TNXB: variants seen among roughly 807,000 people sequenced by gnomAD.
TNXB encodes tenascin-X.
In TNXB, 183 loss-of-function variants were observed where a neutral mutation model predicts 340.5. The ratio of observed to expected loss-of-function variants is 0.54; its 90% CI spans 0.48 to 0.61. The LOEUF (loss-of-function observed/expected upper bound fraction) is 0.61, where lower values mean the gene tolerates loss of function less well. Among genes scored for constraint, TNXB ranks in the 20% least tolerant of loss-of-function variants. TNXB has a pLI of 0.00. For synonymous variants in TNXB, 2,121 were observed against 2,314.5 expected, an observed-to-expected ratio of 0.92 and a Z score of 2.40; for missense variants, 4,613 against 5,446.4, an observed-to-expected ratio of 0.85 and a Z score of 4.82.
Position 32,088,806 on chromosome 6 carries a change from C to T in TNXB, c.2758G>A (p.Ala920Thr). 1 of 1,576,462 alleles carries T rather than the reference C, an allele frequency of 6.3e-7. No homozygotes were observed. The stretch of plus-strand genomic sequence containing the variant: ...ATACCTGTGTTGGCCCTGACAGAAG[C>T]TGGGTAGCTGACTGCCCGGCCCCGC... ...AERGRAVSYP[A>T]SVRANTGSSP... The change falls in exon 6 of 44, where the codon GCT (alanine) becomes ACT (threonine). Residue 920 changes from alanine (A) to threonine (T), a missense_variant. This residue lies in a region of TNXB where 4,327 missense variants were observed against 4,859.4 expected (regional missense o/e 0.89). Coordinates refer to ENST00000644971, the MANE Select transcript of TNXB (RefSeq NM_001365276.2).
At position 32,073,913 on chromosome 6, in the gene TNXB, G is replaced by A. The variant is rs374294912; in HGVS notation, c.4415C>T (p.Pro1472Leu). 1.4e-5 allele frequency: 22 copies of A among 1,605,282 alleles called. No individual in the cohort carries two copies. Among genetic ancestry groups the A allele is most frequent in the East Asian group, 2.2e-5 (1 of 44,782 alleles). Residue 1472 changes from proline to leucine, a missense_variant, in exon 12 of 44, where the codon CCG (proline) becomes CTG (leucine). By Grantham distance (98) the Pro-to-Leu change is moderately conservative. Around this residue, in one of 7 missense-constraint regions of TNXB, gnomAD observed 4,327 missense variants for 4,859.4 expected, o/e 0.89. Coordinates refer to ENST00000644971, the MANE Select transcript of TNXB (RefSeq NM_001365276.2). The surrounding 1 kb of genome is among the most constrained non-coding windows in gnomAD (Gnocchi z 4.6). ...CAGCTCTCCTAGGCGTGGCTCCAGC[G>A]GGGACTCAGTGGCTGGAGGGGTCTC... ...QEETPPATES[P>L]LEPRLGELTV...
At chr6:32,102,813 G>T (rs1450408128) in intron 1 of TNXB, among the ~76,000 whole-genome samples, 2 of 151,978 alleles carry the variant, frequency 1.3e-5, no homozygotes, top group Non-Finnish European at 2.9e-5. Context: ...CCAGCTACCT[G>T]GGAGGCTAAG....
At position 32,042,556 on chromosome 6, in the gene TNXB, C is replaced by T. The variant is rs760828649; in HGVS notation, c.12109G>A (p.Gly4037Arg). 2.9e-5 allele frequency: 47 copies of T among 1,608,828 alleles called. No individual in the cohort carries two copies. The highest frequency in any genetic ancestry group is 4.5e-5 in the East Asian group (2 of 44,312). The change falls in exon 40 of 44, where the codon GGA becomes AGA. Residue 4037 changes from glycine (G) to arginine (R), a missense_variant. This residue lies in a region of TNXB where 121 missense variants were observed against 177.4 expected (regional missense o/e 0.68). Transcript: ENST00000644971. ...GTGCTGGTCCTGGAGGCACCGGCTC[C>T]GTTCTGCATCTCCTCCCCGCAGTCC... ...PRDCGEEMQN[G>R]AGASRTSTIF...
In TNXB at chr6:32,046,007, T is replaced by G. The variant is rs983873989; in HGVS notation, c.10606+168A>C. ...GGCCTGGCTCCTGCTCTGGACTCCT[T>G]GATGGATGTTGAAGCCCACAGGGCT... On this transcript the variant is annotated intron_variant, in intron 31 of 43. Transcript: ENST00000644971. The surrounding 1 kb of genome is among the most constrained non-coding windows in gnomAD (Gnocchi z 6.9). 1.1e-5 allele frequency: 15 copies of G among 1,377,094 alleles called. No homozygotes were observed. The highest frequency in any genetic ancestry group is 1.4e-5 in the Non-Finnish European group (15 of 1,066,558). 85.3% of individuals were successfully genotyped at this position (1,377,094 alleles called of 1,614,324 possible).
chr6:32,046,052 T>G lies in TNXB; in HGVS notation c.10606+123A>C. ...AGGGCTGCAGACTCCTCCTCCTTCCTGGGGACAGGCCAGGGCGCCCCACTC... is the reference window on the plus strand; with the variant it reads ...AGGGCTGCAGACTCCTCCTCCTTCCGGGGGACAGGCCAGGGCGCCCCACTC... On this transcript the variant is annotated intron_variant, in intron 31 of 43. Transcript: ENST00000644971. This position sits in a 1 kb window ranked among gnomAD's most constrained non-coding sequence, Gnocchi z 6.9. 1 of 1,447,392 alleles carries G rather than the reference T, an allele frequency of 6.9e-7. No individual in the cohort carries two copies. The highest frequency in any genetic ancestry group is 9.0e-7 in the Non-Finnish European group (1 of 1,105,022). 89.7% of individuals were successfully genotyped at this position (1,447,392 alleles called of 1,614,324 possible). A position where few individuals can be genotyped will look rare whatever the true frequency, so the allele number is the denominator to read the frequency against.
chr6:32,086,147 G>A (rs1363463558), intron 6 of TNXB, 29 bp from the exon 7 acceptor site: 4 of 1,465,144 alleles, frequency 2.7e-6, no homozygotes, highest in South Asian at 1.4e-5. Context: ...AGAAAAAGAG[G>A]AGAGTCCAGT....
Position 32,086,092 on chromosome 6 carries a change from T to A in TNXB, c.2806A>T (p.Thr936Ser), listed in dbSNP as rs1319043679. ...CCTGAGGGAGGAGGCTCATCGGTAG[T>A]CCCCAAGAGGCCCAAGGGTGAGGAC... ...TGSSPLGLLGTTDEPPPSGPS... is the reference protein window; with the variant it reads ...TGSSPLGLLGSTDEPPPSGPS... The change falls in exon 7 of 44, where the codon ACT (threonine) becomes TCT (serine). Residue 936 changes from threonine to serine, a missense_variant. Transcript: ENST00000644971. 6.4e-7 allele frequency: 1 copy of A among 1,556,170 alleles called. No homozygotes were observed. The highest frequency in any genetic ancestry group is 8.7e-7 in the Non-Finnish European group (1 of 1,150,404).
chr6:32,048,339 G>A (rs374592541), intron 29 of TNXB, 24 bp downstream of exon 29: 1 of 1,473,338 alleles, frequency 6.8e-7, no homozygotes, highest in Non-Finnish European at 9.0e-7. Flanking sequence ...CTCTGGCCGC[G>A]GGAGGCCTCC....
Position 32,090,036 on chromosome 6 carries a change from T to C in TNXB, c.2359-657A>G, listed in dbSNP as rs1780007995. 6.6e-6 allele frequency among the ~76,000 whole-genome samples: 1 copy of C among 152,188 alleles called. No homozygotes were observed. The highest frequency in any genetic ancestry group is 1.5e-5 in the Non-Finnish European group (1 of 68,022). On this transcript the variant is annotated intron_variant, in intron 4 of 43. Transcript: ENST00000644971. This position sits in a 1 kb window ranked among gnomAD's most constrained non-coding sequence, Gnocchi z 4.3. ...CAGGAGTGGGACCCGCATCACAACC[T>C]TTCCCTTGAGGGACTTTTCTTGTCT...
At chr6:32,100,819 C>T (rs1052443495) in intron 1 of TNXB, among the ~76,000 whole-genome samples, 3 of 152,076 alleles carry the variant, frequency 2.0e-5, no homozygotes, top group African/African-American at 7.2e-5. Context: ...TGGTGGTTCA[C>T]ACCTGAAATC....
Position 32,056,072 on chromosome 6 carries a change from G to C in TNXB, c.8246C>G (p.Pro2749Arg). 6.2e-7 allele frequency: 1 copy of C among 1,612,868 alleles called. No homozygotes were observed. The highest frequency in any genetic ancestry group is 8.5e-7 in the Non-Finnish European group (1 of 1,179,882). ...LGELTVTGSS[P>R]DSLSLSWTIP... ...GGTCCAGGAGAGGCTCAGCGAGTCAGGGGAGGATCCTGTCACTGTCAGCTC... is the reference window on the plus strand; with the variant it reads ...GGTCCAGGAGAGGCTCAGCGAGTCACGGGAGGATCCTGTCACTGTCAGCTC... The change falls in exon 24 of 44, where the codon CCT (proline) becomes CGT (arginine). Residue 2749 changes from proline (P) to arginine (R), a missense_variant. This residue lies in a region of TNXB where 4,327 missense variants were observed against 4,859.4 expected (regional missense o/e 0.89). Coordinates refer to ENST00000644971, the MANE Select transcript of TNXB (RefSeq NM_001365276.2).
At position 32,072,229 on chromosome 6, in the gene TNXB, G is replaced by A; in HGVS notation, c.4751C>T (p.Thr1584Ile). Residue 1584 changes from threonine to isoleucine, a missense_variant, in exon 13 of 44, where the codon ACA (threonine) becomes ATA (isoleucine). Around this residue, in one of 7 missense-constraint regions of TNXB, gnomAD observed 4,327 missense variants for 4,859.4 expected, o/e 0.89. Coordinates refer to ENST00000644971, the MANE Select transcript of TNXB (RefSeq NM_001365276.2). The surrounding 1 kb of genome is among the most constrained non-coding windows in gnomAD (Gnocchi z 4.4). ...AGAGTCAGGGGTTATATCCGTCACT[G>A]TCAGCTCCCCTAGGCGTGGCTCCAG... ...PPLEPRLGEL[T>I]VTDITPDSVG... 6.2e-7 allele frequency: 1 copy of A among 1,611,148 alleles called. No individual in the cohort carries two copies. Among genetic ancestry groups the A allele is most frequent in the Admixed American group, 1.7e-5 (1 of 60,026 alleles).
Position 32,087,622 on chromosome 6 carries a change from T to TGGGGGGGGGGGG in TNXB, c.2779+1162_2779+1163insCCCCCCCCCCCC. 2 of 30,684 alleles carry TGGGGGGGGGGGG rather than the reference T, an allele frequency of 6.5e-5. No homozygotes were observed. Among genetic ancestry groups the TGGGGGGGGGGGG allele is most frequent in the South Asian group, 1.9e-4 (1 of 5,282 alleles). The allele number at this position is 30,684 out of a possible 1,614,324, so 1.9% of individuals were successfully genotyped here. A position where few individuals can be genotyped will look rare whatever the true frequency, so the allele number is the denominator to read the frequency against. On this transcript the variant is annotated intron_variant, in intron 6 of 43. Transcript: ENST00000644971. This position sits in a 1 kb window ranked among gnomAD's most constrained non-coding sequence, Gnocchi z 9.0. Reference sequence around the variant, plus strand: ...ATCAGGGCTGGCGGTGGGGCGGGGGTGGCGGGGCGGGGGTGCGGGGGAGCC... The same window carrying TGGGGGGGGGGGG: ...ATCAGGGCTGGCGGTGGGGCGGGGGTGGGGGGGGGGGGGGCGGGGCGGGGGTGCGGGGGAGCC...
Position 32,056,053 on chromosome 6 carries a change from G to A in TNXB, c.8265C>T (p.Ser2755=). Residue 2755 remains serine (S), a synonymous_variant, in exon 24 of 44, where the codon TCC becomes TCT. Transcript: ENST00000644971. ...TGSSPDSLSL[S]WTIPQGHFDS... is the part of the protein sequence containing the mutation. ...CGAAGTGGCCCTGGGGGATGGTCCA[G>A]GAGAGGCTCAGCGAGTCAGGGGAGG... is the stretch of plus-strand genomic sequence containing the variant. 3 of 1,612,940 alleles carry A rather than the reference G, an allele frequency of 1.9e-6. No individual in the cohort carries two copies. Among genetic ancestry groups the A allele is most frequent in the Non-Finnish European group, 2.5e-6 (3 of 1,179,872 alleles).
chr6:32,053,663 G>C lies in TNXB; in HGVS notation c.8516C>G (p.Pro2839Arg). ...GAGGCGAGGCTTGTTGGGGGGCTCAGGGGTTGTGGTGGGCACTGCTTGGGT... is the reference window on the plus strand; with the variant it reads ...GAGGCGAGGCTTGTTGGGGGGCTCACGGGTTGTGGTGGGCACTGCTTGGGT... Reference protein sequence around the residue: ...ETTQAVPTTTPEPPNKPRLGE... With the variant: ...ETTQAVPTTTREPPNKPRLGE... The change falls in exon 25 of 44, where the codon CCT (proline) becomes CGT (arginine). Residue 2839 changes from proline (P) to arginine (R), a missense_variant. Coordinates refer to ENST00000644971, the MANE Select transcript of TNXB (RefSeq NM_001365276.2). 1 of 1,613,350 alleles carries C rather than the reference G, an allele frequency of 6.2e-7. No individual in the cohort carries two copies. The highest frequency in any genetic ancestry group is 8.5e-7 in the Non-Finnish European group (1 of 1,179,818).
chr6:32,049,279 C>T lies in TNXB; in HGVS notation c.9748G>A (p.Gly3250Ser). 2 of 1,610,608 alleles carry T rather than the reference C, an allele frequency of 1.2e-6. No individual in the cohort carries two copies. Among genetic ancestry groups the T allele is most frequent in the South Asian group, 2.2e-5 (2 of 90,944 alleles). Reference sequence around the variant, plus strand: ...CTGTCCCCCCACTCACCCGTGATGCCCACGGTGGACACTGGGCCCACGCGC... The same window carrying T: ...CTGTCCCCCCACTCACCCGTGATGCTCACGGTGGACACTGGGCCCACGCGC... ...GQRVGPVSTV[G>S]ITAPLPTPLP... Residue 3250 changes from glycine (G) to serine (S), a missense_variant, in exon 28 of 44, where the codon GGC becomes AGC. This residue lies in a region of TNXB where 4,327 missense variants were observed against 4,859.4 expected (regional missense o/e 0.89). Transcript: ENST00000644971. The surrounding 1 kb of genome is among the most constrained non-coding windows in gnomAD (Gnocchi z 4.5).
chr6:32,047,965 C>A lies in TNXB; in HGVS notation c.10093G>T (p.Asp3365Tyr). The change falls in exon 30 of 44, where the codon GAT (aspartate) becomes TAT (tyrosine). Residue 3365 changes from aspartate to tyrosine, a missense_variant. This residue lies in a region of TNXB where 4,327 missense variants were observed against 4,859.4 expected (regional missense o/e 0.89). Transcript: ENST00000644971. The surrounding 1 kb of genome is among the most constrained non-coding windows in gnomAD (Gnocchi z 6.2). ...AGGCCCACGGAGTCAGGGGTCGCAT[C>A]TGTCACAGTCAGCTCCCCCAGGCGG... The part of the protein sequence containing the change: ...SPRLGELTVT[D>Y]ATPDSVGLSW... 1 of 1,611,166 alleles carries A rather than the reference C, an allele frequency of 6.2e-7. No homozygotes were observed. The highest frequency in any genetic ancestry group is 1.1e-5 in the South Asian group (1 of 90,720).
chr6:32,042,576 C>T lies in TNXB; in HGVS notation c.12089G>A (p.Cys4030Tyr). Residue 4030 changes from cysteine (C) to tyrosine (Y), a missense_variant, in exon 40 of 44, where the codon TGC becomes TAC. Cys to Tyr is a radical substitution (Grantham distance 194). Coordinates refer to ENST00000644971, the MANE Select transcript of TNXB (RefSeq NM_001365276.2). ...GGCTCCGTTCTGCATCTCCTCCCCG[C>T]AGTCCCTGGGGAAGGGGATCCGCAG... ...GGLRIPFPRD[C>Y]GEEMQNGAGA... The T allele has an allele frequency of 6.3e-7, 1 of 1,594,998 alleles. No homozygotes were observed. The highest frequency in any genetic ancestry group is 8.5e-7 in the Non-Finnish European group (1 of 1,170,468).
In TNXB at chr6:32,047,080, G is replaced by C. The variant is rs1029642934; in HGVS notation, c.10325-624C>G. Among the ~76,000 whole-genome samples the C allele has an allele frequency of 6.6e-6, 1 of 152,224 alleles. No individual in the cohort carries two copies. The highest frequency in any genetic ancestry group is 1.5e-5 in the Non-Finnish European group (1 of 68,022). ...AGAGGGCAGAGCAGAGGCTTGCCCG[G>C]GTGGGGCTGGGGCCGATGGGTGGGG... On this transcript the variant is annotated intron_variant, in intron 30 of 43. Transcript: ENST00000644971. This position sits in a 1 kb window ranked among gnomAD's most constrained non-coding sequence, Gnocchi z 6.2.
Sources: gnomAD v4.1 joint callset for allele counts (sites outside exome capture counted in the v4.1 genomes callset) on GRCh38, gnomAD v4.1.1 for gene constraint, gnomAD v4.1.1 regional missense constraint, Gnocchi (gnomAD v3.1) non-coding constraint, MANE v1.5 for transcripts, NCBI Gene and HGNC (gene_info 2026-07-23, HGNC 2026-07-21) for gene names.